The following PTPRD variants were observed in gnomAD, a reference collection of about 807,000 sequenced individuals.
PTPRD encodes the protein receptor-type tyrosine-protein phosphatase delta.
In PTPRD, 34 loss-of-function variants were observed where a neutral mutation model predicts 214.5. The observed-to-expected ratio is 0.16, with a 90% CI of 0.12 to 0.21. The LOEUF (loss-of-function observed/expected upper bound fraction) is 0.21, where lower values mean the gene tolerates loss of function less well. PTPRD is among the 10% of genes least tolerant of loss of function. The probability of loss-of-function intolerance (pLI) is 1.00; values close to 1 mark genes in which losing one functional copy is unlikely to be tolerated. For synonymous variants in PTPRD, 1,128 were observed against 845.7 expected, an observed-to-expected ratio of 1.33 and a Z score of -5.79; for missense variants, 2,545 against 2,398.7, an observed-to-expected ratio of 1.06 and a Z score of -1.27.
chr9:9,955,821 C>T (rs1371446430), intron 4 of PTPRD, among the ~76,000 whole-genome samples: 1 of 152,138 alleles, frequency 6.6e-6, no homozygotes, highest in African/African-American at 2.4e-5. Flanking sequence ...CACGCCCGGC[C>T]TATTTGGGTT....
At chr9:8,554,812 C>A (rs72696652) in intron 14 of PTPRD, among the ~76,000 whole-genome samples, 389 of 152,254 alleles carry the variant, frequency 2.6e-3, no homozygotes, top group Middle Eastern at 6.8e-3. Context: ...AGCCTGCAAA[C>A]CCCACAAAAC....
intron 3 of PTPRD, among the ~76,000 whole-genome samples, chr9:10,061,972 T>C (rs1332183313): frequency 6.6e-6 from 1 of 152,018 alleles, no homozygotes; most frequent in Admixed American, 6.6e-5. Context: ...AGTCTGGTGA[T>C]CTAAGCCTTA....
At chr9:10,222,964 G>C (rs955838603) in intron 3 of PTPRD, among the ~76,000 whole-genome samples, 4 of 152,034 alleles carry the variant, frequency 2.6e-5, no homozygotes, top group African/African-American at 9.7e-5. Context: ...AAGAGGTGTT[G>C]AGGTTCTATA....
intron 2 of PTPRD, among the ~76,000 whole-genome samples, chr9:10,606,563 A>C (rs2079446031): frequency 6.6e-6 from 1 of 150,844 alleles, no homozygotes; most frequent in Non-Finnish European, 1.5e-5. Context: ...CTGTGCTCTA[A>C]ATTAACCTTT....
chr9:8,472,580 G>A (rs10977141), intron 30 of PTPRD, among the ~76,000 whole-genome samples: 8,715 of 152,048 alleles, frequency 0.057, 786 homozygotes, highest in African/African-American at 0.19. Context: ...GCCCAAACTG[G>A]GACGCACTGT....
At position 8,675,520 on chromosome 9, in the gene PTPRD, TAC is replaced by T. The variant is rs1188291707; in HGVS notation, c.65-38678_65-38677del. On this transcript the variant is annotated intron_variant, in intron 12 of 45. Transcript: ENST00000381196. ...TACACACTACACACATATGCACACA[TAC>T]ACACACACACACACACAAAAAAAAA... Among the ~76,000 whole-genome samples, 308 of 82,888 alleles carry T rather than the reference TAC, an allele frequency of 3.7e-3. 1 individual carries two copies. The highest frequency in any genetic ancestry group is 8.9e-3 in the Middle Eastern group (1 of 112). The allele number at this position is 82,888 out of a possible 152,430, so 54.4% of individuals were successfully genotyped here.
intron 7 of PTPRD, among the ~76,000 whole-genome samples, chr9:9,619,994 G>A (rs1025252808): frequency 1.3e-5 from 2 of 151,824 alleles, no homozygotes; most frequent in African/African-American, 4.8e-5. Context: ...GAGAGAAAGA[G>A]AGAAAGAGAG....
chr9:8,788,967 C>A, intron 11 of PTPRD, among the ~76,000 whole-genome samples: 1 of 152,054 alleles, frequency 6.6e-6, no homozygotes, highest in East Asian at 1.9e-4. Context: ...ATAAAAATAA[C>A]TTTATCTAGC....
At chr9:8,465,309 G>C (rs1448286781) in intron 32 of PTPRD, among the ~76,000 whole-genome samples, 157 bp downstream of exon 32, 1 of 151,778 alleles carries the variant, frequency 6.6e-6, no homozygotes, top group Non-Finnish European at 1.5e-5. Context: ...GGAGTATATT[G>C]AGCAATGTTC....
intron 3 of PTPRD, among the ~76,000 whole-genome samples, chr9:10,161,529 C>T (rs1300495586): frequency 2.6e-5 from 4 of 151,626 alleles, no homozygotes; most frequent in Non-Finnish European, 5.9e-5. Context: ...TATCTCTCAC[C>T]ATATATAACA....
intron 10 of PTPRD, among the ~76,000 whole-genome samples, chr9:9,113,281 C>T (rs2099808712): frequency 6.6e-6 from 1 of 152,036 alleles, no homozygotes; most frequent in African/African-American, 2.4e-5. Flanking sequence ...AGCCATACTT[C>T]ATTTTTATAC....
At chr9:8,432,740 A>G (rs533495177) in intron 35 of PTPRD, among the ~76,000 whole-genome samples, 1 of 152,336 alleles carries the variant, frequency 6.6e-6, no homozygotes, top group East Asian at 1.9e-4. Context: ...TCTTAATCCT[A>G]TTATCACAGT....
chr9:8,437,641 C>T (rs1483841535), intron 34 of PTPRD, among the ~76,000 whole-genome samples: 4 of 152,116 alleles, frequency 2.6e-5, no homozygotes, highest in Admixed American at 2.6e-4. Context: ...CCCCAGGTCC[C>T]CATTATTCAA....
At chr9:8,659,506 C>T (rs1482816712) in intron 12 of PTPRD, among the ~76,000 whole-genome samples, 1 of 152,224 alleles carries the variant, frequency 6.6e-6, no homozygotes, top group Non-Finnish European at 1.5e-5. Flanking sequence ...TTCTAACCCT[C>T]TCCATCCAGG....
rs2099681399 is a variant in PTPRD, at chr9:9,049,900, A to C, written c.-142-31165T>G. ...AAAAGACCCCAACTTTGAGATTAGA[A>C]ACAAGTTTGTAAAGCCACAGTGACA... is the stretch of plus-strand genomic sequence containing the variant. On this transcript the variant is annotated intron_variant, in intron 10 of 45. Coordinates refer to ENST00000381196, the MANE Select transcript of PTPRD (RefSeq NM_002839.4). Among the ~76,000 whole-genome samples, 2 of 152,238 alleles carry C rather than the reference A, an allele frequency of 1.3e-5. 1 individual carries two copies. Among genetic ancestry groups the C allele is most frequent in the South Asian group, 4.1e-4 (2 of 4,838 alleles).
At chr9:9,447,303 CTATA>C (rs1398350253) in intron 8 of PTPRD, among the ~76,000 whole-genome samples, 3 of 151,840 alleles carry the variant, frequency 2.0e-5, no homozygotes, top group African/African-American at 7.2e-5. Context: ...AGTAAATGTG[CTATA>C]TATGTACCCC....
chr9:10,402,142 G>A (rs1433002975), intron 2 of PTPRD, among the ~76,000 whole-genome samples: 4 of 151,578 alleles, frequency 2.6e-5, no homozygotes, highest in African/African-American at 9.7e-5. Context: ...TAAAGAGCAG[G>A]TACTAGGCCA....
At chr9:10,484,397 T>C (rs1180209187) in intron 2 of PTPRD, among the ~76,000 whole-genome samples, 3 of 152,068 alleles carry the variant, frequency 2.0e-5, no homozygotes, top group Non-Finnish European at 1.5e-5. Context: ...CACTATACAA[T>C]TCATCTATGT....
chr9:9,326,473 T>C (rs1043997987), intron 9 of PTPRD, among the ~76,000 whole-genome samples: 1 of 152,094 alleles, frequency 6.6e-6, no homozygotes, highest in Non-Finnish European at 1.5e-5. Flanking sequence ...TTCAGAGACA[T>C]TGGCTGATTT....
Sources: gnomAD v4.1 joint callset for allele counts (sites outside exome capture counted in the v4.1 genomes callset) on GRCh38, gnomAD v4.1.1 for gene constraint, MANE v1.5 for transcripts, NCBI Gene and HGNC (gene_info 2026-07-23, HGNC 2026-07-21) for gene names.